Variants in VWF observed in about 807,000 individuals in gnomAD.
The protein encoded by VWF is von Willebrand factor, also known as Factor VIII related antigen.
Under a neutral mutation model 308.6 loss-of-function variants are expected in VWF, and 176 were observed. The observed-to-expected ratio is 0.57, with a 90% CI of 0.50 to 0.65. The LOEUF (loss-of-function observed/expected upper bound fraction) is 0.65. Ranked by LOEUF, VWF falls within the 30% of genes least tolerant of loss-of-function variation. The pLI is 0.00. For missense variants in VWF, 3,146 were observed against 3,648.2 expected (o/e 0.86, Z 3.55); for synonymous variants, 1,385 against 1,443.4 (o/e 0.96, Z 0.92).
intron 49 of VWF, 168 bp downstream of exon 49, chr12:5,952,223 T>G: frequency 2.0e-6 from 2 of 1,001,578 alleles, no homozygotes; most frequent in Non-Finnish European, 3.0e-6. Context: ...TGCAGAGAAT[T>G]TTATCTCTCC....
intron 15 of VWF, among the ~76,000 whole-genome samples, chr12:6,054,817 G>A (rs1276747804): frequency 6.6e-6 from 1 of 152,202 alleles, no homozygotes; most frequent in African/African-American, 2.4e-5. Flanking sequence ...CACTGGTTTA[G>A]GGAGCTCTGT....
In VWF at chr12:6,024,915, C is replaced by T. The variant is rs371597863; in HGVS notation, c.3222+665G>A. ...GCAGGTGCCTGTAATCCCAGGTACT[C>T]GGGAGGTTGAGGCAGGAGAATCGCT... is the stretch of plus-strand genomic sequence containing the variant. On this transcript the variant is annotated intron_variant, in intron 24 of 51. Transcript: ENST00000261405. This position sits in a 1 kb window ranked among gnomAD's most constrained non-coding sequence, Gnocchi z 4.0. Among the ~76,000 whole-genome samples the T allele has an allele frequency of 6.6e-6, 1 of 151,538 alleles. No individual in the cohort carries two copies. The highest frequency in any genetic ancestry group is 1.5e-5 in the Non-Finnish European group (1 of 67,954).
At chr12:6,087,445 G>A (rs184002735) in intron 6 of VWF, among the ~76,000 whole-genome samples, 20,376 of 138,728 alleles carry the variant, frequency 0.15, 1,606 homozygotes, top group East Asian at 0.36. Context: ...TGCAAGCTTC[G>A]CCTCCCGGGT....
chr12:6,118,958 T>C (rs1305949163), intron 3 of VWF, among the ~76,000 whole-genome samples: 2 of 152,190 alleles, frequency 1.3e-5, no homozygotes, highest in Non-Finnish European at 2.9e-5. Context: ...TGAGGATGAC[T>C]TTCTTATTTG....
In VWF at chr12:6,019,161, A is replaced by G. The variant is rs569177726; in HGVS notation, c.4257T>C (p.His1419=). ...TGAGGCGGATCTGCTTGAGGTTGGC[A>G]TGGGGCCCAATGCCCACCGGGATCA... ...VIVIPVGIGP[H]ANLKQIRLIE... The change falls in exon 28 of 52, where the codon CAT becomes CAC. Residue 1419 remains histidine, a synonymous_variant. Transcript: ENST00000261405. The surrounding 1 kb of genome is among the most constrained non-coding windows in gnomAD (Gnocchi z 5.8). 1 of 1,613,822 alleles carries G rather than the reference A, an allele frequency of 6.2e-7. No individual in the cohort carries two copies.
intron 18 of VWF, among the ~76,000 whole-genome samples, chr12:6,043,535 G>C (rs145495550): frequency 7.3e-6 from 1 of 136,520 alleles, no homozygotes; most frequent in African/African-American, 3.0e-5. Flanking sequence ...GAAACATCTG[G>C]AAGTTGCATC....
chr12:6,082,261 G>T (rs575077536), intron 6 of VWF, among the ~76,000 whole-genome samples: 206 of 152,158 alleles, frequency 1.4e-3, no homozygotes, highest in African/African-American at 4.7e-3. Context: ...CACCGCGCCT[G>T]GCCTAAAAAT....
intron 10 of VWF, 145 bp from the exon 11 acceptor site, chr12:6,065,418 C>A (rs1196501230): frequency 1.6e-5 from 18 of 1,121,286 alleles, no homozygotes; most frequent in African/African-American, 1.6e-5. Flanking sequence ...AAAACAAGTT[C>A]TACGAGAAAA....
At position 6,036,374 on chromosome 12, in the gene VWF, T is replaced by G; in HGVS notation, c.2546+14A>C. ...GGGCCTGGGTCCCCGGCGCAGCCCC[T>G]CACTGAGCCTCACCAAGTGTTGCAG... is the stretch of plus-strand genomic sequence containing the variant. On this transcript the variant is annotated intron_variant, in intron 19 of 51. Coordinates refer to ENST00000261405, the MANE Select transcript of VWF (RefSeq NM_000552.5). The G allele has an allele frequency of 6.2e-7, 1 of 1,613,456 alleles. No homozygotes were observed. The highest frequency in any genetic ancestry group is 8.5e-7 in the Non-Finnish European group (1 of 1,179,414).
At position 6,036,379 on chromosome 12, in the gene VWF, G is replaced by A. The variant is rs1428280797; in HGVS notation, c.2546+9C>T. 6.2e-7 allele frequency: 1 copy of A among 1,613,816 alleles called. No homozygotes were observed. The highest frequency in any genetic ancestry group is 1.3e-5 in the African/African-American group (1 of 74,928). ...TGGGTCCCCGGCGCAGCCCCTCACT[G>A]AGCCTCACCAAGTGTTGCAGCCAAT... On this transcript the variant is annotated intron_variant, in intron 19 of 51. Transcript: ENST00000261405.
At position 6,101,694 on chromosome 12, in the gene VWF, T is replaced by C. The variant is rs550172085; in HGVS notation, c.533-6110A>G. On this transcript the variant is annotated intron_variant, in intron 5 of 51. Transcript: ENST00000261405. ...AGGAGGCTGAGGCAGGACAATTGCT[T>C]GAACCCGGCAGGCGGAGGTTGCTGT... Among the ~76,000 whole-genome samples, 3 of 152,168 alleles carry C rather than the reference T, an allele frequency of 2.0e-5. No homozygotes were observed. The South Asian group carries it at 6.2e-4, about 32-fold the overall frequency.
At chr12:6,104,054 A>C (rs1005497256) in intron 5 of VWF, among the ~76,000 whole-genome samples, 7 of 152,214 alleles carry the variant, frequency 4.6e-5, no homozygotes, top group African/African-American at 1.7e-4. Flanking sequence ...TACACAAGGA[A>C]CTCAAACAAC....
Position 6,018,326 on chromosome 12 carries a change from C to T in VWF, c.5053+39G>A, listed in dbSNP as rs1248833955. On this transcript the variant is annotated intron_variant, in intron 28 of 51. Coordinates refer to ENST00000261405, the MANE Select transcript of VWF (RefSeq NM_000552.5). ...GTAGCACCAAGGCCATGCCAGCCCT[C>T]GCCCAGCCCTCCCACCTGCACACAA... The T allele has an allele frequency of 5.0e-6, 8 of 1,589,786 alleles. No individual in the cohort carries two copies. In the Admixed American group the frequency reaches 5.2e-5, roughly 10 times the overall value.
chr12:6,043,624 A>G (rs896314885), intron 18 of VWF, among the ~76,000 whole-genome samples: 1 of 152,262 alleles, frequency 6.6e-6, no homozygotes, highest in African/African-American at 2.4e-5. Flanking sequence ...AGGAGTAGGC[A>G]TGCTCAGATC....
Position 6,121,228 on chromosome 12 carries a change from A to G in VWF, c.166T>C (p.Tyr56His), listed in dbSNP as rs1945427601. 6.2e-7 allele frequency: 1 copy of G among 1,614,226 alleles called. No individual in the cohort carries two copies. Among genetic ancestry groups the G allele is most frequent in the African/African-American group, 1.3e-5 (1 of 75,044 alleles). ...CCCCCTGCCAGGAGGTAACTGCAGTATCCCGCAAAGCTGTACATGCTCCCA... is the reference window on the plus strand; with the variant it reads ...CCCCCTGCCAGGAGGTAACTGCAGTGTCCCGCAAAGCTGTACATGCTCCCA... ...FDGSMYSFAGYCSYLLAGGCQ... is the reference protein window; with the variant it reads ...FDGSMYSFAGHCSYLLAGGCQ... The change falls in exon 3 of 52, where the codon TAC becomes CAC. Residue 56 changes from tyrosine (Y) to histidine (H), a missense_variant. Physicochemically the swap from Tyr to His is moderately conservative, Grantham distance 83 (BLOSUM62 2). Transcript: ENST00000261405.
In VWF at chr12:6,013,697, T is replaced by G. The variant is rs779682098; in HGVS notation, c.5456-52A>C. 39 of 1,603,734 alleles carry G rather than the reference T, an allele frequency of 2.4e-5. No homozygotes were observed. The South Asian group carries it at 4.2e-4, about 17-fold the overall frequency. On this transcript the variant is annotated intron_variant, in intron 31 of 51. Transcript: ENST00000261405. Reference sequence around the variant, plus strand: ...GATCTGTGGGCAAGAAGGCTCAAAATGGACTGGCCTGACGTTATATCCAGC... The same window carrying G: ...GATCTGTGGGCAAGAAGGCTCAAAAGGGACTGGCCTGACGTTATATCCAGC...
At chr12:5,997,654 T>G (rs1370942887) in intron 34 of VWF, among the ~76,000 whole-genome samples, 1 of 152,192 alleles carries the variant, frequency 6.6e-6, no homozygotes, top group African/African-American at 2.4e-5. Flanking sequence ...CACATGTGCA[T>G]GTTTAACAAA....
chr12:6,000,285 T>C (rs1591852052), intron 34 of VWF, among the ~76,000 whole-genome samples: 1 of 152,112 alleles, frequency 6.6e-6, no homozygotes. Context: ...GGCAAAAAGA[T>C]CAAATAATTT....
At chr12:6,085,950 T>C (rs967745868) in intron 6 of VWF, among the ~76,000 whole-genome samples, 1 of 152,094 alleles carries the variant, frequency 6.6e-6, no homozygotes, top group Non-Finnish European at 1.5e-5. Flanking sequence ...CAAAACCCCA[T>C]GGTAGCCACT....
Sources: allele counts gnomAD v4.1 joint callset (sites outside exome capture counted in the v4.1 genomes callset), GRCh38; gene constraint gnomAD v4.1.1; non-coding constraint Gnocchi (gnomAD v3.1); transcripts MANE v1.5; gene names NCBI Gene and HGNC (gene_info 2026-07-23, HGNC 2026-07-21).